Variants in TRPC4 observed in about 807,000 individuals in gnomAD.
TRPC4 encodes the protein transient receptor potential cation channel subfamily C member 4.
Under a neutral mutation model 99.4 loss-of-function variants are expected in TRPC4, and 49 were observed. The observed-to-expected ratio is 0.49, with a 90% CI of 0.39 to 0.63. The LOEUF is 0.63. TRPC4 is among the 20% of genes least tolerant of loss of function. TRPC4 has a pLI of 0.00. For missense variants in TRPC4, 898 were observed against 1,152.9 expected (o/e 0.78, Z 3.20); for synonymous variants, 454 against 425.9 (o/e 1.07, Z -0.81).
At chr13:37,717,060 A>C (rs1176384771) in intron 3 of TRPC4, among the ~76,000 whole-genome samples, 1 of 152,196 alleles carries the variant, frequency 6.6e-6, no homozygotes, top group South Asian at 2.1e-4. Context: ...AAACATCAGA[A>C]GTGAGGCTGC....
intron 3 of TRPC4, among the ~76,000 whole-genome samples, chr13:37,730,771 A>G (rs1009437260): frequency 8.5e-5 from 13 of 152,060 alleles, no homozygotes; most frequent in African/African-American, 2.9e-4. Flanking sequence ...TTACTTAGAG[A>G]ATTTTTACTT....
chr13:37,648,850 T>C (rs916647647), intron 8 of TRPC4, among the ~76,000 whole-genome samples: 1 of 152,206 alleles, frequency 6.6e-6, no homozygotes, highest in Non-Finnish European at 1.5e-5. Flanking sequence ...GGTCTGGTTC[T>C]CCATTCTTTT....
chr13:37,645,324 T>C (rs1405851797), intron 8 of TRPC4, among the ~76,000 whole-genome samples: 2 of 152,160 alleles, frequency 1.3e-5, no homozygotes, highest in Non-Finnish European at 2.9e-5. Context: ...TTCAGGTTTC[T>C]TTAGAGCAGG....
chr13:37,695,332 C>T (rs1953870329), intron 3 of TRPC4, among the ~76,000 whole-genome samples: 1 of 152,238 alleles, frequency 6.6e-6, no homozygotes, highest in South Asian at 2.1e-4. Flanking sequence ...AGTGAGGGGC[C>T]ACCTGATTCT....
Position 37,674,377 on chromosome 13 carries a change from T to C in TRPC4, c.1235-10A>G, listed in dbSNP as rs370142688. On this transcript the variant is annotated splice_polypyrimidine_tract_variant and intron_variant, in intron 4 of 10. Coordinates refer to ENST00000379705, the MANE Select transcript of TRPC4 (RefSeq NM_016179.4). Reference sequence around the variant, plus strand: ...TCTCCCCATATGAAGCCTGCAATTATAGAAAGATTCATTGTAAGTATGATT... The same window carrying C: ...TCTCCCCATATGAAGCCTGCAATTACAGAAAGATTCATTGTAAGTATGATT... 12 of 1,595,868 alleles carry C rather than the reference T, an allele frequency of 7.5e-6. No homozygotes were observed. In the South Asian group the frequency reaches 9.5e-5, roughly 13 times the overall value.
At chr13:37,818,611 C>G (rs1201640188) in intron 1 of TRPC4, among the ~76,000 whole-genome samples, 1 of 152,094 alleles carries the variant, frequency 6.6e-6, no homozygotes, top group Non-Finnish European at 1.5e-5. Flanking sequence ...CCATGGAATA[C>G]TATGCAGCCA....
rs1402672348 is a variant in TRPC4, at chr13:37,675,113, A to G, written c.1235-746T>C. Among the ~76,000 whole-genome samples the G allele has an allele frequency of 5.9e-5, 9 of 152,204 alleles. No homozygotes were observed. The South Asian group carries it at 1.9e-3, about 31-fold the overall frequency. ...AGGGTAAATATGATGTCATAACTAC[A>G]TTAACACAAGCAAACAGTGAGAATT... is the stretch of plus-strand genomic sequence containing the variant. On this transcript the variant is annotated intron_variant, in intron 4 of 10. Coordinates refer to ENST00000379705, the MANE Select transcript of TRPC4 (RefSeq NM_016179.4).
intron 1 of TRPC4, among the ~76,000 whole-genome samples, chr13:37,832,272 G>A (rs554253392): frequency 3.9e-5 from 6 of 152,142 alleles, no homozygotes; most frequent in South Asian, 2.1e-4. Flanking sequence ...ATTTGGCCAC[G>A]CGCTGTAGCC....
intron 3 of TRPC4, among the ~76,000 whole-genome samples, chr13:37,745,204 C>T (rs944838104): frequency 2.0e-5 from 3 of 151,348 alleles, no homozygotes; most frequent in African/African-American, 4.9e-5. Context: ...TACAGTTGTC[C>T]CCAAGCATCT....
At chr13:37,724,306 T>C (rs537154944) in intron 3 of TRPC4, among the ~76,000 whole-genome samples, 4 of 152,266 alleles carry the variant, frequency 2.6e-5, no homozygotes, top group African/African-American at 9.6e-5. Flanking sequence ...GATGCAGATA[T>C]CTGGTTTTGG....
chr13:37,850,541 C>G (rs1234316556), intron 1 of TRPC4, among the ~76,000 whole-genome samples: 1 of 152,106 alleles, frequency 6.6e-6, no homozygotes, highest in South Asian at 2.1e-4. Context: ...ATTCATCTCT[C>G]TATGGGTACA....
chr13:37,855,578 T>G (rs1460765639), intron 1 of TRPC4, among the ~76,000 whole-genome samples: 1 of 151,748 alleles, frequency 6.6e-6, no homozygotes, highest in East Asian at 1.9e-4. Context: ...CTGCAGAATA[T>G]ACATTCCTTG....
chr13:37,738,860 T>C (rs140063520), intron 3 of TRPC4, among the ~76,000 whole-genome samples: 3 of 152,320 alleles, frequency 2.0e-5, no homozygotes, highest in African/African-American at 7.2e-5. Context: ...TTGGACTTTA[T>C]GTGATAGACA....
chr13:37,678,491 T>C (rs777652982), intron 4 of TRPC4, among the ~76,000 whole-genome samples: 6 of 152,152 alleles, frequency 3.9e-5, no homozygotes, highest in Non-Finnish European at 8.8e-5. Context: ...ACCTGGATGC[T>C]CATACATTTC....
chr13:37,758,101 T>C (rs1956139536), intron 2 of TRPC4, among the ~76,000 whole-genome samples: 1 of 151,940 alleles, frequency 6.6e-6, no homozygotes, highest in South Asian at 2.1e-4. Flanking sequence ...ATTGTATATA[T>C]AACAACTTTT....
chr13:37,818,599 C>T lies in TRPC4; in HGVS notation c.-27-35239G>A, dbSNP rs189634588. Among the ~76,000 whole-genome samples the T allele has an allele frequency of 1.1e-4, 16 of 152,202 alleles. No individual in the cohort carries two copies. The East Asian group carries it at 3.1e-3, about 29-fold the overall frequency. ...GGATAAAGAAAATATGGCACATATA[C>T]ACCATGGAATACTATGCAGCCATAA... On this transcript the variant is annotated intron_variant, in intron 1 of 10. Transcript: ENST00000379705.
intron 4 of TRPC4, among the ~76,000 whole-genome samples, chr13:37,682,296 G>T (rs902064779): frequency 3.9e-5 from 6 of 152,156 alleles, no homozygotes; most frequent in Admixed American, 2.6e-4. Flanking sequence ...TCAAATCAAT[G>T]AAGATAAAAG....
In TRPC4 at chr13:37,771,536, T is replaced by C. The variant is rs73458396; in HGVS notation, c.378+11420A>G. ...AAAGCAGTTCATTTTTTCATTATTT[T>C]TATGAAGGTATAGTGTGCATGAGTG... On this transcript the variant is annotated intron_variant, in intron 2 of 10. Transcript: ENST00000379705. Among the ~76,000 whole-genome samples the C allele has an allele frequency of 7.0e-3, 1,047 of 149,308 alleles. 8 individuals carry two copies. The highest frequency in any genetic ancestry group is 0.025 in the African/African-American group (995 of 39,892).
intron 1 of TRPC4, among the ~76,000 whole-genome samples, chr13:37,804,626 G>A (rs978133022): frequency 6.6e-6 from 1 of 152,086 alleles, no homozygotes; most frequent in Non-Finnish European, 1.5e-5. Context: ...ACAACAAAGT[G>A]TTTTTAAGTA....
Sources: allele counts gnomAD v4.1 joint callset (sites outside exome capture counted in the v4.1 genomes callset), GRCh38; gene constraint gnomAD v4.1.1; transcripts MANE v1.5; gene names NCBI Gene and HGNC (gene_info 2026-07-23, HGNC 2026-07-21).